The following DLGAP2 variants were observed in gnomAD, a reference collection of about 807,000 sequenced individuals.
The protein encoded by DLGAP2 is DLG associated protein 2.
Under a neutral mutation model 100.3 loss-of-function variants are expected in DLGAP2, and 26 were observed. The ratio of observed to expected loss-of-function variants is 0.26; its 90% CI spans 0.19 to 0.36. DLGAP2 has a LOEUF of 0.36. Ranked by LOEUF, DLGAP2 falls within the 10% of genes least tolerant of loss-of-function variation. DLGAP2 has a pLI of 1.00. For synonymous variants in DLGAP2, 886 were observed against 630.1 expected, an observed-to-expected ratio of 1.41 and a Z score of -6.08; for missense variants, 1,858 against 1,453.2, an observed-to-expected ratio of 1.28 and a Z score of -4.53.
chr8:1,197,569 C>T (rs1465354417), intron 2 of DLGAP2, among the ~76,000 whole-genome samples: 1 of 152,192 alleles, frequency 6.6e-6, no homozygotes, highest in Non-Finnish European at 1.5e-5. Context: ...GCATCCAGGC[C>T]ACCAGCTGTC....
intron 8 of DLGAP2, among the ~76,000 whole-genome samples, chr8:1,657,744 T>A (rs924633237): frequency 4.6e-5 from 7 of 152,358 alleles, no homozygotes; most frequent in South Asian, 2.1e-4. Flanking sequence ...AATCATTTTA[T>A]GTACTGCAAT....
At chr8:888,852 A>C (rs983249017) in intron 1 of DLGAP2, among the ~76,000 whole-genome samples, 1 of 151,992 alleles carries the variant, frequency 6.6e-6, no homozygotes, top group South Asian at 2.1e-4. Context: ...GGTCTCACCG[A>C]GTTGGGTTGC....
intron 6 of DLGAP2, among the ~76,000 whole-genome samples, chr8:1,592,171 C>G (rs114012540): frequency 2.6e-5 from 4 of 152,236 alleles, no homozygotes; most frequent in Non-Finnish European, 5.9e-5. Context: ...ACGGGGCCAT[C>G]TCCTGGCCGC....
At chr8:1,186,507 A>G (rs1797508341) in intron 2 of DLGAP2, among the ~76,000 whole-genome samples, 1 of 152,190 alleles carries the variant, frequency 6.6e-6, no homozygotes, top group African/African-American at 2.4e-5. Context: ...CAGTGACTGC[A>G]GTGACTTCCA....
intron 2 of DLGAP2, among the ~76,000 whole-genome samples, chr8:924,439 G>T (rs1019393502): frequency 6.6e-6 from 1 of 152,174 alleles, no homozygotes; most frequent in Admixed American, 6.5e-5. Context: ...GGGTCCTGTT[G>T]TGTGGTGACT....
At chr8:1,196,685 C>T (rs889746899) in intron 2 of DLGAP2, among the ~76,000 whole-genome samples, 1 of 152,154 alleles carries the variant, frequency 6.6e-6, no homozygotes, top group African/African-American at 2.4e-5. Flanking sequence ...AAAGGTAGTG[C>T]CATCTGCCAT....
At chr8:1,201,244 T>A (rs1337552974) in intron 2 of DLGAP2, among the ~76,000 whole-genome samples, 1 of 152,106 alleles carries the variant, frequency 6.6e-6, no homozygotes, top group Non-Finnish European at 1.5e-5. Flanking sequence ...CGCGTGTGAT[T>A]GTGGAGGCTG....
chr8:1,369,437 C>A (rs7846026), intron 3 of DLGAP2: 97,878 of 151,902 alleles, frequency 0.64, 32,783 homozygotes, highest in East Asian at 0.93. Flanking sequence ...CCTATCTTCA[C>A]ATGCAGTCAC....
At chr8:1,241,431 G>A (rs971285058) in intron 2 of DLGAP2, among the ~76,000 whole-genome samples, 1 of 152,224 alleles carries the variant, frequency 6.6e-6, no homozygotes, top group Non-Finnish European at 1.5e-5. Flanking sequence ...ACATAGTGCT[G>A]TGTCTGGAGC....
rs140890640 is a variant in DLGAP2 at position 876,799 on chromosome 8, T to G, written c.19-31113T>G. 4.1e-4 allele frequency among the ~76,000 whole-genome samples: 62 copies of G among 152,328 alleles called. No individual in the cohort carries two copies. In the East Asian group the frequency reaches 0.01, roughly 25 times the overall value. On this transcript the variant is annotated intron_variant, in intron 1 of 14. Coordinates refer to ENST00000637795, the MANE Select transcript of DLGAP2 (RefSeq NM_001346810.2). Reference sequence around the variant, plus strand: ...GTGTGCTCTAGGTGCCCTATGCTTCTGAGCTCCTTCAGTTGTCTCTGTCTT... The same window carrying G: ...GTGTGCTCTAGGTGCCCTATGCTTCGGAGCTCCTTCAGTTGTCTCTGTCTT...
At chr8:1,416,040 A>C (rs1337485161) in intron 3 of DLGAP2, among the ~76,000 whole-genome samples, 3 of 152,226 alleles carry the variant, frequency 2.0e-5, no homozygotes, top group Non-Finnish European at 4.4e-5. Flanking sequence ...CAGGTGGAAA[A>C]TGCAAAATTA....
rs538204051 is a variant in DLGAP2, at chr8:1,669,641, C to T, written c.2161-102C>T. The T allele has an allele frequency of 2.8e-4, 214 of 768,464 alleles. No individual in the cohort carries two copies. The South Asian group carries it at 2.8e-3, about 10-fold the overall frequency. The allele number at this position is 768,464 out of a possible 1,614,324, so 47.6% of individuals were successfully genotyped here. On this transcript the variant is annotated intron_variant, in intron 9 of 14. Transcript: ENST00000637795. The stretch of plus-strand genomic sequence containing the variant: ...CGTGCTGAGAGCCGGGCCCGTGCGG[C>T]GCTGGTAGCTAGGCATGCGGGCGGA...
intron 2 of DLGAP2, among the ~76,000 whole-genome samples, chr8:1,106,250 C>A (rs1314953837): frequency 6.1e-5 from 9 of 147,388 alleles, no homozygotes; most frequent in Non-Finnish European, 1.3e-4. Flanking sequence ...GGAGGGTTTT[C>A]TATTGAAGGA....
At chr8:1,119,145 C>G (rs150216668) in intron 2 of DLGAP2, among the ~76,000 whole-genome samples, 5 of 152,258 alleles carry the variant, frequency 3.3e-5, no homozygotes, top group Non-Finnish European at 5.9e-5. Flanking sequence ...CAGTTTGGCC[C>G]ATATTATTTT....
intron 3 of DLGAP2, among the ~76,000 whole-genome samples, chr8:1,371,910 G>T (rs2129710175): frequency 6.6e-6 from 1 of 152,344 alleles, no homozygotes; most frequent in East Asian, 1.9e-4. Context: ...AGAGTGCAGG[G>T]CCCTTTTCAA....
intron 3 of DLGAP2, among the ~76,000 whole-genome samples, chr8:1,374,350 C>G (rs542136938): frequency 6.6e-6 from 1 of 152,156 alleles, no homozygotes; most frequent in African/African-American, 2.4e-5. Context: ...CACCCATGTT[C>G]GGCACGGGTC....
intron 2 of DLGAP2, among the ~76,000 whole-genome samples, chr8:1,093,374 C>T (rs887965706): frequency 1.3e-5 from 2 of 151,844 alleles, no homozygotes; most frequent in Non-Finnish European, 2.9e-5. Flanking sequence ...GAAACACCTT[C>T]ACACCAACAG....
At chr8:1,238,657 G>GTGTCTAGTTCTCTCTCACACATAGCGTCA (rs1798719908) in intron 2 of DLGAP2, among the ~76,000 whole-genome samples, 1 of 118,440 alleles carries the variant, frequency 8.4e-6, no homozygotes, top group South Asian at 3.8e-4. Context: ...ACATGGTGCC[G>GTGTCTAGTTCTCTCTCACACATAGCGTCA]TGTCTAGTTC....
chr8:1,417,731 A>ACTCCTGCCTCACTCCGC (rs1563134373), intron 3 of DLGAP2, among the ~76,000 whole-genome samples: 2 of 12,882 alleles, frequency 1.6e-4, no homozygotes, highest in Non-Finnish European at 3.5e-4. Flanking sequence ...CTCCAGACAC[A>ACTCCTGCCTCACTCCGC]GAAGCCCACG....
Sources: allele counts gnomAD v4.1 joint callset (sites outside exome capture counted in the v4.1 genomes callset), GRCh38; gene constraint gnomAD v4.1.1; transcripts MANE v1.5; gene names NCBI Gene and HGNC (gene_info 2026-07-23, HGNC 2026-07-21).